SHANK1: variants seen among roughly 807,000 people sequenced by gnomAD.
The protein encoded by SHANK1 is SH3 and multiple ankyrin repeat domains 1.
Under a neutral mutation model 165.6 loss-of-function variants are expected in SHANK1, and 35 were observed. The observed-to-expected ratio is 0.21, with a 90% confidence interval of 0.16 to 0.28. The LOEUF is 0.28. Among genes scored for constraint, SHANK1 ranks in the 10% least tolerant of loss-of-function variants. SHANK1 has a pLI of 1.00. For missense variants in SHANK1, 2,681 were observed against 3,036.4 expected (o/e 0.88, Z 2.75); for synonymous variants, 1,428 against 1,384.8 (o/e 1.03, Z -0.69).
intron 11 of SHANK1, 78 bp downstream of exon 11, chr19:50,703,422 G>C (rs1218729838): frequency 8.0e-7 from 1 of 1,256,714 alleles, no homozygotes; most frequent in Non-Finnish European, 1.1e-6. Flanking sequence ...CAGCTGGGCT[G>C]GCCTCGGGGG....
rs370085192 is a variant in SHANK1 at position 50,697,033 on chromosome 19, G to C, written c.1964+63C>G. ...TCTGGTCGTGCACACACGTTCACAC[G>C]CCCCCCAGGCACCCCGTCCTTCCCC... On this transcript the variant is annotated intron_variant, in intron 15 of 23. Transcript: ENST00000293441. The surrounding 1 kb of genome is among the most constrained non-coding windows in gnomAD (Gnocchi z 4.7). The C allele has an allele frequency of 7.7e-7, 1 of 1,302,716 alleles. No individual in the cohort carries two copies. Among genetic ancestry groups the C allele is most frequent in the Non-Finnish European group, 1.1e-6 (1 of 896,628 alleles). 80.7% of individuals were successfully genotyped at this position (1,302,716 alleles called of 1,614,324 possible).
In SHANK1 at chr19:50,669,124, T is replaced by C. The variant is rs1406958478; in HGVS notation, c.2836A>G (p.Thr946Ala). 6.8e-7 allele frequency: 1 copy of C among 1,468,360 alleles called. No individual in the cohort carries two copies. The highest frequency in any genetic ancestry group is 2.3e-5 in the Admixed American group (1 of 43,796). The allele number at this position is 1,468,360 out of a possible 1,614,324, so 91.0% of individuals were successfully genotyped here. A position where few individuals can be genotyped will look rare whatever the true frequency, so the allele number is the denominator to read the frequency against. ...AAGGGCCCTCCCCGAGGGGAGGGGG[T>C]GAGGCGCCCTGAGGAGGAGGGGACT... is the stretch of plus-strand genomic sequence containing the variant. ...PPVPSSSGRL[T>A]PSPRGGPFNP... The change falls in exon 23 of 24, where the codon ACC (threonine) becomes GCC (alanine). Residue 946 changes from threonine to alanine, a missense_variant. This residue lies in a region of SHANK1 where 1,713 missense variants were observed against 1,630.2 expected (regional missense o/e 1.05). Coordinates refer to ENST00000293441, the MANE Select transcript of SHANK1 (RefSeq NM_016148.5).
At position 50,688,245 on chromosome 19, in the gene SHANK1, C is replaced by T. The variant is rs1986423945; in HGVS notation, c.2173-187G>A. On this transcript the variant is annotated intron_variant, in intron 17 of 23. Coordinates refer to ENST00000293441, the MANE Select transcript of SHANK1 (RefSeq NM_016148.5). This position sits in a 1 kb window ranked among gnomAD's most constrained non-coding sequence, Gnocchi z 6.7. ...GCCCCCTTTCCCACCCTCCCTGGCC[C>T]CAGGGTTGGGGGAGAGGCTCAGCCT... 6.6e-6 allele frequency among the ~76,000 whole-genome samples: 1 copy of T among 152,162 alleles called. No homozygotes were observed. The highest frequency in any genetic ancestry group is 6.5e-5 in the Admixed American group (1 of 15,290).
intron 21 of SHANK1, among the ~76,000 whole-genome samples, chr19:50,679,285 T>C (rs1480621306): frequency 6.7e-6 from 1 of 149,818 alleles, no homozygotes; most frequent in African/African-American, 2.5e-5. Flanking sequence ...GGGAGGGGTG[T>C]CCCCGACAGA....
Position 50,713,919 on chromosome 19 carries a change from T to C in SHANK1, c.671A>G (p.Glu224Gly). 1 of 1,613,786 alleles carries C rather than the reference T, an allele frequency of 6.2e-7. No individual in the cohort carries two copies. The highest frequency in any genetic ancestry group is 8.5e-7 in the Non-Finnish European group (1 of 1,179,872). Reference protein sequence around the residue: ...ETPLTLAAQTEGSVEVIRTLC... With the variant: ...ETPLTLAAQTGGSVEVIRTLC... ...GGTTCGAATCACCTCTACAGAGCCT[T>C]CGGTCTGGGCCGCCAGTGTCAAGGG... Residue 224 changes from glutamate to glycine, a missense_variant, in exon 6 of 24, where the codon GAA becomes GGA. This residue lies in a region of SHANK1 where 189 missense variants were observed against 440.9 expected (regional missense o/e 0.43). Transcript: ENST00000293441. This position sits in a 1 kb window ranked among gnomAD's most constrained non-coding sequence, Gnocchi z 6.2.
At chr19:50,684,337 C>T (rs1467404063) in intron 21 of SHANK1, among the ~76,000 whole-genome samples, 1 of 151,942 alleles carries the variant, frequency 6.6e-6, no homozygotes, top group Non-Finnish European at 1.5e-5. Context: ...GCGATTCTCT[C>T]GCCTCAGCCT....
Position 50,686,868 on chromosome 19 carries a change from G to T in SHANK1, c.2390-56C>A. On this transcript the variant is annotated intron_variant, in intron 19 of 23. Coordinates refer to ENST00000293441, the MANE Select transcript of SHANK1 (RefSeq NM_016148.5). The surrounding 1 kb of genome is among the most constrained non-coding windows in gnomAD (Gnocchi z 5.7). ...GGAGCCCCCGGGGGCGGGGCGGAGC[G>T]GGCTCGGCCTGTGGGCGTGGCCAGC... 1.9e-6 allele frequency: 3 copies of T among 1,600,550 alleles called. No homozygotes were observed. The South Asian group carries it at 3.3e-5, about 18-fold the overall frequency.
In SHANK1 at chr19:50,689,481, T is replaced by C. The variant is rs887283509; in HGVS notation, c.1965-202A>G. The C allele has an allele frequency of 4.3e-6, 3 of 690,164 alleles. No individual in the cohort carries two copies. The African/African-American group carries it at 5.4e-5, about 12-fold the overall frequency. The allele number at this position is 690,164 out of a possible 1,614,324, so 42.8% of individuals were successfully genotyped here. A position where few individuals can be genotyped will look rare whatever the true frequency, so the allele number is the denominator to read the frequency against. ...CTTCCCCCTCAGAGCCGGCATGCTCTCTCTCTCACTCCCTCTCTCCTCATT... is the reference window on the plus strand; with the variant it reads ...CTTCCCCCTCAGAGCCGGCATGCTCCCTCTCTCACTCCCTCTCTCCTCATT... On this transcript the variant is annotated intron_variant, in intron 15 of 23. Transcript: ENST00000293441.
chr19:50,662,837 C>G lies in SHANK1; in HGVS notation c.5769-155G>C, dbSNP rs1299062707. ...GAGAGACGGGAAGAAATGGAGGGAG[C>G]AAGGGGTAAGACGGCCGGCCGTCGA... On this transcript the variant is annotated intron_variant, in intron 23 of 23. Transcript: ENST00000293441. This position sits in a 1 kb window ranked among gnomAD's most constrained non-coding sequence, Gnocchi z 7.7. Among the ~76,000 whole-genome samples, 1 of 150,602 alleles carries G rather than the reference C, an allele frequency of 6.6e-6. No homozygotes were observed. Among genetic ancestry groups the G allele is most frequent in the Admixed American group, 6.6e-5 (1 of 15,088 alleles).
At position 50,686,893 on chromosome 19, in the gene SHANK1, C is replaced by T; in HGVS notation, c.2390-81G>A. The stretch of plus-strand genomic sequence containing the variant: ...GGGCTCGGCCTGTGGGCGTGGCCAG[C>T]AGGTGCGGGCCAGTGGGCGTGGCGG... On this transcript the variant is annotated intron_variant, in intron 19 of 23. Coordinates refer to ENST00000293441, the MANE Select transcript of SHANK1 (RefSeq NM_016148.5). The surrounding 1 kb of genome is among the most constrained non-coding windows in gnomAD (Gnocchi z 5.7). The T allele has an allele frequency of 6.5e-7, 1 of 1,541,192 alleles. No individual in the cohort carries two copies. Among genetic ancestry groups the T allele is most frequent in the Non-Finnish European group, 8.8e-7 (1 of 1,131,030 alleles).
chr19:50,663,940 C>CTCTTT lies in SHANK1; in HGVS notation c.5769-1259_5769-1258insAAAGA, dbSNP rs370276151. 2.4e-3 allele frequency among the ~76,000 whole-genome samples: 262 copies of CTCTTT among 108,890 alleles called. 1 individual carries two copies. The highest frequency in any genetic ancestry group is 2.7e-3 in the Non-Finnish European group (155 of 57,748). 71.4% of individuals were successfully genotyped at this position (108,890 alleles called of 152,430 possible). On this transcript the variant is annotated intron_variant, in intron 23 of 23. Transcript: ENST00000293441. ...TTCTTTTCTTTCTCTCTCTCTCTCT[C>CTCTTT]TTTTTTTTTTTTTTTTTAAGACAGG...
Position 50,670,192 on chromosome 19 carries a change from C to T in SHANK1, c.2675-907G>A, listed in dbSNP as rs1159729997. 6.6e-6 allele frequency among the ~76,000 whole-genome samples: 1 copy of T among 152,104 alleles called. No individual in the cohort carries two copies. Among genetic ancestry groups the T allele is most frequent in the Non-Finnish European group, 1.5e-5 (1 of 68,020 alleles). Reference sequence around the variant, plus strand: ...CAACAGACTCCTCCCAGCCCACGGTCCCTCCCCACCACCGCAGCAAACAGC... The same window carrying T: ...CAACAGACTCCTCCCAGCCCACGGTTCCTCCCCACCACCGCAGCAAACAGC... On this transcript the variant is annotated intron_variant, in intron 22 of 23. Coordinates refer to ENST00000293441, the MANE Select transcript of SHANK1 (RefSeq NM_016148.5). This position sits in a 1 kb window ranked among gnomAD's most constrained non-coding sequence, Gnocchi z 4.1.
In SHANK1 at chr19:50,707,876, T is replaced by TTTTTCTTTTCTTTTCTTTTC. The variant is rs60019205; in HGVS notation, c.1078-3382_1078-3363dup. Among the ~76,000 whole-genome samples the TTTTTCTTTTCTTTTCTTTTC allele has an allele frequency of 2.3e-3, 222 of 95,082 alleles. 2 individuals carry two copies. Among genetic ancestry groups the TTTTTCTTTTCTTTTCTTTTC allele is most frequent in the Non-Finnish European group, 3.3e-3 (153 of 46,914 alleles). The allele number at this position is 95,082 out of a possible 152,430, so 62.4% of individuals were successfully genotyped here. A position where few individuals can be genotyped will look rare whatever the true frequency, so the allele number is the denominator to read the frequency against. ...CTCCTGCCATGTGTACTTTTGCGTG[T>TTTTTCTTTTCTTTTCTTTTC]TTTTCTTTTCTTTTCTTTTCTTTTC... On this transcript the variant is annotated intron_variant, in intron 8 of 23. Transcript: ENST00000293441.
intron 12 of SHANK1, among the ~76,000 whole-genome samples, chr19:50,698,163 A>G (rs1217614743): frequency 6.6e-6 from 1 of 150,842 alleles, no homozygotes; most frequent in Non-Finnish European, 1.5e-5. Context: ...AATAAGGATG[A>G]CAGGCATTGG....
Position 50,690,939 on chromosome 19 carries a change from C to T in SHANK1, c.1965-1660G>A, listed in dbSNP as rs190176079. Among the ~76,000 whole-genome samples the T allele has an allele frequency of 3.9e-3, 595 of 152,232 alleles. 2 individuals carry two copies. The highest frequency in any genetic ancestry group is 6.2e-3 in the Non-Finnish European group (421 of 68,012). ...AAAAATCCATACATTTGCACCATGGCGACAGGGTTCTGGATGTGCACGTGT... is the reference window on the plus strand; with the variant it reads ...AAAAATCCATACATTTGCACCATGGTGACAGGGTTCTGGATGTGCACGTGT... On this transcript the variant is annotated intron_variant, in intron 15 of 23. Transcript: ENST00000293441. This position sits in a 1 kb window ranked among gnomAD's most constrained non-coding sequence, Gnocchi z 4.9.
chr19:50,685,358 T>TC (rs1986298968), intron 21 of SHANK1, among the ~76,000 whole-genome samples: 2 of 152,052 alleles, frequency 1.3e-5, no homozygotes, highest in Non-Finnish European at 2.9e-5. Flanking sequence ...AGCCTCAGTT[T>TC]CCCCCTCTGT....
Position 50,662,551 on chromosome 19 carries a change from C to G in SHANK1, c.5900G>C (p.Gly1967Ala). ...GVSPTAAAAP[G>A]ATSPSASSSS... is the part of the protein sequence containing the mutation. ...GGAGGAGGCTGAGGGTGAGGTGGCC[C>G]CTGGGGCCGCAGCGGCTGTAGGGGA... The change falls in exon 24 of 24, where the codon GGG becomes GCG. Residue 1967 changes from glycine to alanine, a missense_variant. Transcript: ENST00000293441. This position sits in a 1 kb window ranked among gnomAD's most constrained non-coding sequence, Gnocchi z 7.7. 1 of 1,561,310 alleles carries G rather than the reference C, an allele frequency of 6.4e-7. No homozygotes were observed. Among genetic ancestry groups the G allele is most frequent in the South Asian group, 1.2e-5 (1 of 84,970 alleles).
rs1452598537 is a variant in SHANK1 at position 50,666,365 on chromosome 19, T to A, written c.5595A>T (p.Thr1865=). The change falls in exon 23 of 24, where the codon ACA becomes ACT. Residue 1865 remains threonine, a synonymous_variant. Transcript: ENST00000293441. ...LAQPQASALA[T]VKASIISELS... ...GTTCACTGATGATGCTGGCTTTTAC[T>A]GTGGCCAAGGCTGAGGCCTGAGGCT... is the stretch of plus-strand genomic sequence containing the variant. The A allele has an allele frequency of 6.2e-7, 1 of 1,613,790 alleles. No homozygotes were observed. Among genetic ancestry groups the A allele is most frequent in the Non-Finnish European group, 8.5e-7 (1 of 1,179,944 alleles).
chr19:50,705,892 C>T (rs1293180371), intron 8 of SHANK1, among the ~76,000 whole-genome samples: 1 of 152,120 alleles, frequency 6.6e-6, no homozygotes, highest in Non-Finnish European at 1.5e-5. Context: ...GGTGGTGGCT[C>T]ACTCCTGTAA....
Sources: gnomAD v4.1 joint callset for allele counts (sites outside exome capture counted in the v4.1 genomes callset) on GRCh38, gnomAD v4.1.1 for gene constraint, gnomAD v4.1.1 regional missense constraint, Gnocchi (gnomAD v3.1) non-coding constraint, MANE v1.5 for transcripts, NCBI Gene and HGNC (gene_info 2026-07-23, HGNC 2026-07-21) for gene names.